CPNE8: variants seen among roughly 807,000 people sequenced by gnomAD.
CPNE8 encodes the protein copine-8.
CPNE8 carries 45 observed loss-of-function variants against 81.5 expected under a neutral mutation model. That is an observed-to-expected ratio of 0.55 (90% CI 0.44 to 0.71). The LOEUF is 0.71. CPNE8 is among the 30% of genes least tolerant of loss of function. The pLI is 0.00. For synonymous variants in CPNE8, 252 were observed against 226.3 expected (o/e 1.11, Z -1.02); for missense variants, 594 against 672.1 (o/e 0.88, Z 1.28).
At chr12:38,723,671 A>G in intron 13 of CPNE8, 101 bp downstream of exon 13, 1 of 764,708 alleles carries the variant, frequency 1.3e-6, no homozygotes, top group Non-Finnish European at 2.3e-6. Flanking sequence ...TCAAAATATA[A>G]TAAAGGTGAT....
At chr12:38,768,695 T>C (rs532094289) in intron 7 of CPNE8, among the ~76,000 whole-genome samples, 3 of 147,268 alleles carry the variant, frequency 2.0e-5, no homozygotes, top group Admixed American at 7.0e-5. Context: ...AATTTTTTTG[T>C]ATTTTTTTTT....
At chr12:38,820,332 G>A (rs909489028) in intron 6 of CPNE8, among the ~76,000 whole-genome samples, 1 of 152,002 alleles carries the variant, frequency 6.6e-6, no homozygotes, top group South Asian at 2.1e-4. Context: ...TTGAACCCGG[G>A]AGGCAGAAGT....
At chr12:38,673,860 G>A (rs928894590) in intron 18 of CPNE8, among the ~76,000 whole-genome samples, 2 of 151,888 alleles carry the variant, frequency 1.3e-5, no homozygotes, top group African/African-American at 2.4e-5. Context: ...AATTTCTCTC[G>A]GTGGCATGCT....
Position 38,661,897 on chromosome 12 carries a change from C to CAA in CPNE8, c.1507-7829_1507-7828dup, listed in dbSNP as rs34481283. ...ATACATCATATGAACAGAATGCAAGCAAAAAAAAAAAACACATGATCTCGA... is the reference window on the plus strand; with the variant it reads ...ATACATCATATGAACAGAATGCAAGCAAAAAAAAAAAAAACACATGATCTCGA... On this transcript the variant is annotated intron_variant, in intron 19 of 19. Coordinates refer to ENST00000331366, the MANE Select transcript of CPNE8 (RefSeq NM_153634.3). 3.0e-3 allele frequency among the ~76,000 whole-genome samples: 405 copies of CAA among 135,056 alleles called. 4 individuals carry two copies. Among genetic ancestry groups the CAA allele is most frequent in the East Asian group, 9.4e-3 (42 of 4,478 alleles). 88.6% of individuals were successfully genotyped at this position (135,056 alleles called of 152,430 possible). A position where few individuals can be genotyped will look rare whatever the true frequency, so the allele number is the denominator to read the frequency against.
intron 10 of CPNE8, among the ~76,000 whole-genome samples, chr12:38,755,778 C>A (rs1941443453): frequency 6.6e-6 from 1 of 152,050 alleles, no homozygotes. Context: ...CGGTGGCTCA[C>A]GCCTGTAATC....
intron 6 of CPNE8, among the ~76,000 whole-genome samples, chr12:38,790,396 T>A (rs909234478): frequency 6.6e-6 from 1 of 151,542 alleles, no homozygotes; most frequent in Non-Finnish European, 1.5e-5. Context: ...ATCAAAACAA[T>A]TGAGCTCATA....
At chr12:38,783,785 C>A (rs984047511) in intron 6 of CPNE8, among the ~76,000 whole-genome samples, 1 of 152,224 alleles carries the variant, frequency 6.6e-6, no homozygotes, top group Non-Finnish European at 1.5e-5. Context: ...AGTATCTCTA[C>A]TAGTCTGCAA....
intron 10 of CPNE8, among the ~76,000 whole-genome samples, chr12:38,730,657 T>C (rs889822060): frequency 6.6e-6 from 1 of 151,654 alleles, no homozygotes; most frequent in African/African-American, 2.4e-5. Flanking sequence ...TGTTAAATCA[T>C]CTATTATTCA....
At chr12:38,775,327 A>C (rs961223452) in intron 7 of CPNE8, among the ~76,000 whole-genome samples, 2 of 152,214 alleles carry the variant, frequency 1.3e-5, no homozygotes, top group Non-Finnish European at 2.9e-5. Flanking sequence ...TTTATCTAAA[A>C]GTTAAAAAGA....
chr12:38,788,531 C>G (rs906486515), intron 6 of CPNE8, among the ~76,000 whole-genome samples: 4 of 151,904 alleles, frequency 2.6e-5, no homozygotes, highest in Non-Finnish European at 5.9e-5. Context: ...GAAAGCCTTT[C>G]CTCTAAGATC....
intron 1 of CPNE8, among the ~76,000 whole-genome samples, chr12:38,902,211 AAGAAAG>A (rs1296563735): frequency 4.8e-5 from 7 of 147,064 alleles, no homozygotes; most frequent in Non-Finnish European, 8.9e-5. Flanking sequence ...AAAAGAAAGA[AAGAAAG>A]AGAAAGAGAA....
At chr12:38,877,344 C>T (rs906438825) in intron 1 of CPNE8, among the ~76,000 whole-genome samples, 1 of 151,992 alleles carries the variant, frequency 6.6e-6, no homozygotes, top group African/African-American at 2.4e-5. Context: ...TTATATATTG[C>T]ACTTTTAAAA....
Position 38,757,669 on chromosome 12 carries a change from T to C in CPNE8, c.722+3178A>G, listed in dbSNP as rs142195473. 3.8e-3 allele frequency among the ~76,000 whole-genome samples: 578 copies of C among 152,184 alleles called. 6 individuals are homozygous for C. The highest frequency in any genetic ancestry group is 0.014 in the African/African-American group (565 of 41,564). The stretch of plus-strand genomic sequence containing the variant: ...AAGGTTTCTTGGTGAAAATGTATTA[T>C]ATAGAATTATACACTAAATTTTCTA... On this transcript the variant is annotated intron_variant, in intron 10 of 19. Coordinates refer to ENST00000331366, the MANE Select transcript of CPNE8 (RefSeq NM_153634.3).
rs147912288 is a variant in CPNE8, at chr12:38,842,997, A to C, written c.291-3042T>G. ...AAACACTACATCCTAACTGGTTACA[A>C]TGTATACGTGTACCTGTGTATCTGT... On this transcript the variant is annotated intron_variant, in intron 4 of 19. Transcript: ENST00000331366. 9.3e-3 allele frequency among the ~76,000 whole-genome samples: 1,418 copies of C among 152,310 alleles called. 18 individuals are homozygous for C. The highest frequency in any genetic ancestry group is 0.039 in the South Asian group (187 of 4,828).
intron 5 of CPNE8, among the ~76,000 whole-genome samples, chr12:38,833,768 G>A (rs1348622298): frequency 6.6e-5 from 10 of 151,972 alleles, no homozygotes; most frequent in South Asian, 2.1e-4. Context: ...ATGAGCCACC[G>A]CACCCGGCCA....
At chr12:38,687,877 A>G (rs903525477) in intron 15 of CPNE8, among the ~76,000 whole-genome samples, 2 of 152,202 alleles carry the variant, frequency 1.3e-5, no homozygotes, top group Admixed American at 1.3e-4. Context: ...TTTACATTAT[A>G]AAACTGGTTG....
chr12:38,694,400 G>T (rs763342877), intron 14 of CPNE8, among the ~76,000 whole-genome samples: 3 of 152,166 alleles, frequency 2.0e-5, no homozygotes, highest in Non-Finnish European at 2.9e-5. Context: ...ATTAAGCTAG[G>T]AGCCAGAGGC....
At chr12:38,816,798 C>T (rs2136998307) in intron 6 of CPNE8, among the ~76,000 whole-genome samples, 1 of 152,314 alleles carries the variant, frequency 6.6e-6, no homozygotes, top group African/African-American at 2.4e-5. Context: ...AGAGTTACCT[C>T]AAACTGTGAA....
In CPNE8 at chr12:38,764,010, A is replaced by T. The variant is rs1051315299; in HGVS notation, c.576-1794T>A. On this transcript the variant is annotated intron_variant, in intron 8 of 19. Transcript: ENST00000331366. The stretch of plus-strand genomic sequence containing the variant: ...GGATCAAGTTTTTATTACAAGACTT[A>T]ACGGCATCCGTGCCTTCTCCTTCCA... Among the ~76,000 whole-genome samples, 3 of 150,802 alleles carry T rather than the reference A, an allele frequency of 2.0e-5. No individual in the cohort carries two copies. In the South Asian group the frequency reaches 6.2e-4, roughly 31 times the overall value.
Sources: gnomAD v4.1 joint callset for allele counts (sites outside exome capture counted in the v4.1 genomes callset) on GRCh38, gnomAD v4.1.1 for gene constraint, MANE v1.5 for transcripts, NCBI Gene and HGNC (gene_info 2026-07-23, HGNC 2026-07-21) for gene names.